WWOX: variants seen among roughly 807,000 people sequenced by gnomAD.
WWOX encodes the protein WW domain containing oxidoreductase.
A neutral mutation model predicts 46.2 loss-of-function variants in WWOX; 69 were observed. The observed-to-expected ratio is 1.49, with a 90% confidence interval of 1.23 to 1.82. WWOX has a LOEUF of 1.82. WWOX is among the 40% of genes most tolerant of loss of function. The probability of loss-of-function intolerance (pLI) is 0.00; values close to 1 mark genes in which losing one functional copy is unlikely to be tolerated. For missense variants in WWOX, 919 were observed against 542.6 expected (o/e 1.69, Z -6.89); for synonymous variants, 359 against 202.6 (o/e 1.77, Z -6.56).
At chr16:78,756,950 C>A (rs1321505383) in intron 8 of WWOX, 2 of 703,020 alleles carry the variant, frequency 2.8e-6, no homozygotes, top group Non-Finnish European at 5.2e-6. Context: ...GAAAAGCCAG[C>A]TGCCATGTTG....
chr16:78,965,371 C>G (rs1258044180), intron 8 of WWOX, among the ~76,000 whole-genome samples: 1 of 152,028 alleles, frequency 6.6e-6, no homozygotes, highest in African/African-American at 2.4e-5. Context: ...GAGTTCGAGA[C>G]TAGCCTGGTC....
In WWOX at chr16:79,114,528, A is replaced by T. The variant is rs1890709901; in HGVS notation, c.1057-97080A>T. On this transcript the variant is annotated intron_variant, in intron 8 of 8. Coordinates refer to ENST00000566780, the MANE Select transcript of WWOX (RefSeq NM_016373.4). ...TGCCATAAGCCAGGGAACAGCAAGC[A>T]TTGCCATCCACCACCAGGAGCTGGA... 2.0e-5 allele frequency among the ~76,000 whole-genome samples: 3 copies of T among 151,876 alleles called. No individual in the cohort carries two copies. The South Asian group carries it at 6.2e-4, about 31-fold the overall frequency.
At chr16:78,105,502 G>C (rs1387934448) in intron 1 of WWOX, among the ~76,000 whole-genome samples, 1 of 151,718 alleles carries the variant, frequency 6.6e-6, no homozygotes, top group African/African-American at 2.4e-5. Flanking sequence ...GCCACCAGCA[G>C]TGAGAATAAG....
Position 78,825,207 on chromosome 16 carries a change from A to G in WWOX, c.1057-386401A>G, listed in dbSNP as rs142018974. 78 of 165,626 alleles carry G rather than the reference A, an allele frequency of 4.7e-4. No individual in the cohort carries two copies. In the East Asian group the frequency reaches 0.011, roughly 24 times the overall value. The allele number at this position is 165,626 out of a possible 1,614,324, so 10.3% of individuals were successfully genotyped here. ...TCCATGGGCAGCGTCTTCTTACTGC[A>G]CTGTCCTGACTTGCTCTAGTGAGAT... On this transcript the variant is annotated intron_variant, in intron 8 of 8. Transcript: ENST00000566780.
At position 79,173,609 on chromosome 16, in the gene WWOX, C is replaced by A. The variant is rs576703827; in HGVS notation, c.1057-37999C>A. ...GCCACTGGAAATAACTATTTCCTAT[C>A]AAATAAAGCCTTTCTCTTGAAAAAT... On this transcript the variant is annotated intron_variant, in intron 8 of 8. Coordinates refer to ENST00000566780, the MANE Select transcript of WWOX (RefSeq NM_016373.4). 2.0e-5 allele frequency among the ~76,000 whole-genome samples: 3 copies of A among 151,040 alleles called. No individual in the cohort carries two copies. The South Asian group carries it at 6.3e-4, about 32-fold the overall frequency.
intron 8 of WWOX, among the ~76,000 whole-genome samples, chr16:78,708,213 A>G (rs974611393): frequency 6.6e-6 from 1 of 152,226 alleles, no homozygotes; most frequent in Non-Finnish European, 1.5e-5. Context: ...AAACAAAAAC[A>G]GGACACCTGG....
chr16:78,878,784 T>C (rs371854291), intron 8 of WWOX, among the ~76,000 whole-genome samples: 2 of 151,710 alleles, frequency 1.3e-5, no homozygotes, highest in East Asian at 3.9e-4. Context: ...GCCAGGCTTA[T>C]GGCTGTAATC....
intron 8 of WWOX, among the ~76,000 whole-genome samples, chr16:78,905,071 A>T (rs1161290224): frequency 6.6e-6 from 1 of 152,086 alleles, no homozygotes; most frequent in Non-Finnish European, 1.5e-5. Context: ...TGAGTCTCTG[A>T]GACTTGTATT....
intron 8 of WWOX, among the ~76,000 whole-genome samples, chr16:78,989,434 A>C (rs2046841528): frequency 6.6e-6 from 1 of 152,190 alleles, no homozygotes. Context: ...CAAATATTGC[A>C]TCCAGGCATC....
chr16:78,707,780 G>C (rs989411029), intron 8 of WWOX, among the ~76,000 whole-genome samples: 1 of 151,874 alleles, frequency 6.6e-6, no homozygotes, highest in African/African-American at 2.4e-5. Flanking sequence ...CTAGTTGGGA[G>C]GCTGAGGCAG....
intron 5 of WWOX, among the ~76,000 whole-genome samples, chr16:78,378,005 A>G (rs1489755932): frequency 6.6e-6 from 1 of 152,072 alleles, no homozygotes; most frequent in Non-Finnish European, 1.5e-5. Flanking sequence ...GGAGGTAGGA[A>G]GGGGACCTGA....
At chr16:78,150,123 A>C (rs1474755699) in intron 4 of WWOX, among the ~76,000 whole-genome samples, 1 of 152,164 alleles carries the variant, frequency 6.6e-6, no homozygotes, top group African/African-American at 2.4e-5. Flanking sequence ...ACTGGCTACA[A>C]ATTGGGGTTC....
In WWOX at chr16:78,995,627, C is replaced by G. The variant is rs554933818; in HGVS notation, c.1057-215981C>G. On this transcript the variant is annotated intron_variant, in intron 8 of 8. Transcript: ENST00000566780. ...AAAAAACTGCAAAACCGCAAACTGG[C>G]TTGTTCTTATGTGGTTGATGGGGAC... 2.4e-3 allele frequency among the ~76,000 whole-genome samples: 362 copies of G among 152,146 alleles called. 1 individual carries two copies. The highest frequency in any genetic ancestry group is 8.4e-3 in the African/African-American group (347 of 41,516).
At chr16:78,232,207 T>G (rs2037292941) in intron 5 of WWOX, among the ~76,000 whole-genome samples, 1 of 152,164 alleles carries the variant, frequency 6.6e-6, no homozygotes, top group East Asian at 1.9e-4. Flanking sequence ...AAACTTACAA[T>G]TGAAGAATTT....
intron 8 of WWOX, among the ~76,000 whole-genome samples, chr16:78,507,529 A>T (rs573954052): frequency 1.8e-4 from 27 of 152,302 alleles, no homozygotes; most frequent in African/African-American, 6.0e-4. Flanking sequence ...TTGAAAATAC[A>T]CGCAGAGAGA....
intron 8 of WWOX, among the ~76,000 whole-genome samples, chr16:78,647,770 A>T (rs935064704): frequency 2.0e-5 from 3 of 152,240 alleles, no homozygotes; most frequent in Non-Finnish European, 4.4e-5. Flanking sequence ...ACTGGACCCA[A>T]GACAGAAATT....
At chr16:78,688,952 C>CAAACAT (rs2047924825) in intron 8 of WWOX, among the ~76,000 whole-genome samples, 1 of 152,104 alleles carries the variant, frequency 6.6e-6, no homozygotes, top group South Asian at 2.1e-4. Context: ...TTCCTGCTGC[C>CAAACAT]GTTTGAAGAA....
intron 8 of WWOX, among the ~76,000 whole-genome samples, chr16:78,876,248 C>T (rs771265037): frequency 6.6e-6 from 1 of 151,794 alleles, no homozygotes; most frequent in East Asian, 1.9e-4. Context: ...TCTTTAAAAG[C>T]AGTTCTAAAA....
At chr16:78,575,718 T>C (rs948275705) in intron 8 of WWOX, among the ~76,000 whole-genome samples, 3 of 152,192 alleles carry the variant, frequency 2.0e-5, no homozygotes, top group African/African-American at 7.2e-5. Flanking sequence ...TCTTGATTAT[T>C]TTTAGCACTA....
Sources: gnomAD v4.1 joint callset for allele counts (sites outside exome capture counted in the v4.1 genomes callset) on GRCh38, gnomAD v4.1.1 for gene constraint, MANE v1.5 for transcripts, NCBI Gene and HGNC (gene_info 2026-07-23, HGNC 2026-07-21) for gene names.